Variants in MYO16 observed in about 807,000 individuals in gnomAD.
The protein encoded by MYO16 is unconventional myosin-XVI.
Under a neutral mutation model 205.3 loss-of-function variants are expected in MYO16, and 94 were observed. That is an observed-to-expected ratio of 0.46 (90% confidence interval 0.39 to 0.54). The LOEUF (loss-of-function observed/expected upper bound fraction) is 0.54. Among genes scored for constraint, MYO16 ranks in the 20% least tolerant of loss-of-function variants. The pLI is 0.00. For missense variants in MYO16, 2,315 were observed against 2,387.5 expected (o/e 0.97, Z 0.63); for synonymous variants, 988 against 954.0 (o/e 1.04, Z -0.66).
At chr13:108,521,006 T>A in the MYO16 span, among the ~76,000 whole-genome samples, 2 of 152,054 alleles carry the variant, frequency 1.3e-5, no homozygotes, top group Non-Finnish European at 2.9e-5. Context: ...CCTTCCTTTC[T>A]CCCTCTTTCC....
the MYO16 span, among the ~76,000 whole-genome samples, chr13:108,528,317 A>G: frequency 6.6e-6 from 1 of 152,160 alleles, no homozygotes; most frequent in Non-Finnish European, 1.5e-5. Context: ...CCTTTTGGCC[A>G]GATGGCATAA....
intron 21 of MYO16, among the ~76,000 whole-genome samples, chr13:108,994,233 A>C (rs371910552): frequency 5.9e-4 from 90 of 152,204 alleles, no homozygotes; most frequent in African/African-American, 1.8e-3. Flanking sequence ...GTCTCTATTA[A>C]ATGCCAAAAG....
chr13:109,093,686 A>G (rs1369648419), intron 27 of MYO16, among the ~76,000 whole-genome samples: 1 of 152,014 alleles, frequency 6.6e-6, no homozygotes, highest in Non-Finnish European at 1.5e-5. Flanking sequence ...TGATCCATTC[A>G]CCAGAAAATC....
At chr13:108,526,695 C>T in the MYO16 span, among the ~76,000 whole-genome samples, 6 of 152,178 alleles carry the variant, frequency 3.9e-5, no homozygotes. Flanking sequence ...TTCTCACTTT[C>T]CATTTATTCC....
chr13:108,744,518 A>G (rs1390104847), intron 4 of MYO16, among the ~76,000 whole-genome samples: 1 of 152,232 alleles, frequency 6.6e-6, no homozygotes, highest in Non-Finnish European at 1.5e-5. Context: ...GCTTCTCTGA[A>G]GAACAGTATG....
intron 34 of MYO16, among the ~76,000 whole-genome samples, chr13:109,193,708 C>T (rs1880025198): frequency 6.6e-6 from 1 of 152,066 alleles, no homozygotes; most frequent in Non-Finnish European, 1.5e-5. Context: ...CTATGTGTGC[C>T]ATGCTACCAT....
At chr13:109,099,429 C>T (rs756796306) in intron 27 of MYO16, among the ~76,000 whole-genome samples, 2 of 152,106 alleles carry the variant, frequency 1.3e-5, no homozygotes, top group African/African-American at 4.8e-5. Context: ...TTCAACAATG[C>T]GAAAACCACA....
chr13:109,145,635 T>C (rs1007330078), intron 32 of MYO16, among the ~76,000 whole-genome samples: 15 of 152,276 alleles, frequency 9.9e-5, no homozygotes, highest in African/African-American at 3.6e-4. Context: ...TCTCATGTGA[T>C]GATGTGGCTA....
chr13:108,747,774 C>T (rs959601844), intron 4 of MYO16, among the ~76,000 whole-genome samples: 1 of 151,920 alleles, frequency 6.6e-6, no homozygotes, highest in African/African-American at 2.4e-5. Flanking sequence ...AACTCTAGGT[C>T]GTCTACTTGA....
the MYO16 span, among the ~76,000 whole-genome samples, chr13:108,518,010 T>G: frequency 1.3e-5 from 2 of 152,156 alleles, no homozygotes; most frequent in African/African-American, 4.8e-5. Context: ...AGGCCTCACC[T>G]CCTAATGTTA....
At chr13:108,747,362 A>C (rs1050552957) in intron 4 of MYO16, among the ~76,000 whole-genome samples, 1 of 152,192 alleles carries the variant, frequency 6.6e-6, no homozygotes, top group Non-Finnish European at 1.5e-5. Context: ...AGGATAAGTA[A>C]AACGAATGAC....
Position 108,714,598 on chromosome 13 carries a change from G to GTGTGTGTC in MYO16, c.363+1874_363+1875insCTGTGTGT, listed in dbSNP as rs1555341110. On this transcript the variant is annotated intron_variant, in intron 3 of 34. Coordinates refer to ENST00000457511, the MANE Select transcript of MYO16 (RefSeq NM_001198950.3). ...CTTCTTCACGTGTGTGTGTCTGTGT[G>GTGTGTGTC]TGTGTGTGTGTGTGTATATATATAG... Among the ~76,000 whole-genome samples, 99 of 144,048 alleles carry GTGTGTGTC rather than the reference G, an allele frequency of 6.9e-4. 1 individual carries two copies. In the South Asian group the frequency reaches 0.016, roughly 23 times the overall value. 94.5% of individuals were successfully genotyped at this position (144,048 alleles called of 152,430 possible).
the MYO16 span, among the ~76,000 whole-genome samples, chr13:108,578,310 A>G: frequency 6.6e-6 from 1 of 152,236 alleles, no homozygotes; most frequent in South Asian, 2.1e-4. Flanking sequence ...TGCCATTTGA[A>G]GAGTGAAAAC....
chr13:108,954,885 T>A (rs978092292), intron 16 of MYO16, among the ~76,000 whole-genome samples: 1 of 152,166 alleles, frequency 6.6e-6, no homozygotes, highest in Non-Finnish European at 1.5e-5. Context: ...CCCAGCTTGC[T>A]CACCCTCCAT....
intron 1 of MYO16, among the ~76,000 whole-genome samples, chr13:108,601,597 T>C (rs1878765956): frequency 6.6e-6 from 1 of 152,020 alleles, no homozygotes; most frequent in South Asian, 2.1e-4. Flanking sequence ...ATGCAGGGTA[T>C]ATGAGGAGGC....
intron 23 of MYO16, among the ~76,000 whole-genome samples, chr13:109,028,240 A>G (rs1249558006): frequency 6.8e-6 from 1 of 146,358 alleles, no homozygotes; most frequent in Non-Finnish European, 1.5e-5. Context: ...TAAATATATA[A>G]ACATATAATA....
rs1189572790 is a variant in MYO16, at chr13:109,127,823, G to T, written c.4051+273G>T. 6.7e-6 allele frequency among the ~76,000 whole-genome samples: 1 copy of T among 148,310 alleles called. No individual in the cohort carries two copies. The highest frequency in any genetic ancestry group is 1.5e-5 in the Non-Finnish European group (1 of 67,732). On this transcript the variant is annotated intron_variant, in intron 31 of 34. Coordinates refer to ENST00000457511, the MANE Select transcript of MYO16 (RefSeq NM_001198950.3). The surrounding 1 kb of genome is among the most constrained non-coding windows in gnomAD (Gnocchi z 4.2). Reference sequence around the variant, plus strand: ...AGTATCAAATCAATTCAGAAAGTCGGCAGCTATTCCATGTAAAGGTTCACC... The same window carrying T: ...AGTATCAAATCAATTCAGAAAGTCGTCAGCTATTCCATGTAAAGGTTCACC...
intron 16 of MYO16, among the ~76,000 whole-genome samples, chr13:108,928,234 C>T (rs184396937): frequency 2.8e-4 from 42 of 152,228 alleles, no homozygotes; most frequent in African/African-American, 9.6e-4. Flanking sequence ...AAGTGTGTAC[C>T]GACGACAGAG....
intron 1 of MYO16, among the ~76,000 whole-genome samples, chr13:108,654,551 T>A (rs1028008189): frequency 2.6e-5 from 4 of 152,158 alleles, no homozygotes; most frequent in Non-Finnish European, 5.9e-5. Context: ...TACAGTAAAC[T>A]GGTATCAGTA....
Sources: gnomAD v4.1 joint callset for allele counts (sites outside exome capture counted in the v4.1 genomes callset) on GRCh38, gnomAD v4.1.1 for gene constraint, Gnocchi (gnomAD v3.1) non-coding constraint, MANE v1.5 for transcripts, NCBI Gene and HGNC (gene_info 2026-07-23, HGNC 2026-07-21) for gene names.